DNAH6: variants seen among roughly 807,000 people sequenced by gnomAD.
DNAH6 encodes the protein dynein axonemal heavy chain 6.
In DNAH6, 340 loss-of-function variants were observed where a neutral mutation model predicts 491.4. The ratio of observed to expected loss-of-function variants is 0.69; its 90% CI spans 0.63 to 0.76. The LOEUF is 0.76. DNAH6 is among the 30% of genes least tolerant of loss of function. The pLI is 0.00. For missense variants in DNAH6, 4,443 were observed against 4,972.2 expected (o/e 0.89, Z 3.20); for synonymous variants, 1,603 against 1,686.1 (o/e 0.95, Z 1.21).
At position 84,624,448 on chromosome 2, in the gene DNAH6, A is replaced by G. The variant is rs549585508; in HGVS notation, c.4198-17A>G. Reference sequence around the variant, plus strand: ...TCTTTCTGAAATTAGTGTATCTAATATGTATATCACATATAGGTGGAGACA... The same window carrying G: ...TCTTTCTGAAATTAGTGTATCTAATGTGTATATCACATATAGGTGGAGACA... On this transcript the variant is annotated splice_polypyrimidine_tract_variant and intron_variant, in intron 27 of 76. Coordinates refer to ENST00000389394, the MANE Select transcript of DNAH6 (RefSeq NM_001370.2). 1.9e-5 allele frequency: 29 copies of G among 1,550,946 alleles called. No individual in the cohort carries two copies. The South Asian group carries it at 2.6e-4, about 14-fold the overall frequency.
chr2:84,752,545 C>A (rs1004311209), intron 63 of DNAH6, among the ~76,000 whole-genome samples: 27 of 152,226 alleles, frequency 1.8e-4, no homozygotes, highest in African/African-American at 6.3e-4. Flanking sequence ...CAGAGTTGTG[C>A]AACCATCACA....
At chr2:84,716,383 T>C (rs1032183582) in intron 58 of DNAH6, among the ~76,000 whole-genome samples, 2 of 151,804 alleles carry the variant, frequency 1.3e-5, no homozygotes, top group Non-Finnish European at 2.9e-5. Context: ...TATACACATA[T>C]GTATGTATAT....
intron 4 of DNAH6, 67 bp from the exon 5 acceptor site, chr2:84,544,166 G>A: frequency 1.2e-6 from 1 of 812,330 alleles, no homozygotes; most frequent in Non-Finnish European, 1.8e-6. Flanking sequence ...GAATAAAAAA[G>A]CAATGCAATT....
intron 69 of DNAH6, 70 bp from the exon 70 acceptor site, chr2:84,797,467 A>C: frequency 6.8e-7 from 1 of 1,476,186 alleles, no homozygotes; most frequent in South Asian, 1.3e-5. Flanking sequence ...CCACACAAAG[A>C]AAAATCAAAC....
rs148661623 is a variant in DNAH6 at position 84,556,791 on chromosome 2, A to G, written c.1603-944A>G. On this transcript the variant is annotated intron_variant, in intron 10 of 76. Coordinates refer to ENST00000389394, the MANE Select transcript of DNAH6 (RefSeq NM_001370.2). ...ATACATGTTTACATTGAGATATTAT[A>G]TGCCAGTTTTATATCCTGCTCACTC... is the stretch of plus-strand genomic sequence containing the variant. Among the ~76,000 whole-genome samples the G allele has an allele frequency of 1.7e-3, 263 of 152,330 alleles. 2 individuals carry two copies. Among genetic ancestry groups the G allele is most frequent in the Non-Finnish European group, 3.1e-3 (208 of 68,032 alleles).
rs560480135 is a variant in DNAH6 at position 84,559,148 on chromosome 2, A to G, written c.1803+1213A>G. Among the ~76,000 whole-genome samples, 19 of 152,198 alleles carry G rather than the reference A, an allele frequency of 1.2e-4. No homozygotes were observed. In the South Asian group the frequency reaches 3.7e-3, roughly 30 times the overall value. ...ATTCTTATAAGCTAGCAGTTAATCT[A>G]AGGAGCTGAGGTTAATCTAAAGTCA... On this transcript the variant is annotated intron_variant, in intron 11 of 76. Transcript: ENST00000389394.
intron 48 of DNAH6, among the ~76,000 whole-genome samples, 167 bp downstream of exon 48, chr2:84,699,901 C>A (rs796378032): frequency 5.9e-5 from 9 of 152,248 alleles, no homozygotes; most frequent in African/African-American, 2.2e-4. Context: ...AAAGACAAAA[C>A]AGAATTTGTA....
intron 63 of DNAH6, among the ~76,000 whole-genome samples, chr2:84,750,218 GTCTC>G (rs1485398900): frequency 3.5e-5 from 5 of 143,350 alleles, no homozygotes; most frequent in Non-Finnish European, 1.5e-5. Flanking sequence ...TGGAGATGGA[GTCTC>G]TCTCTGTTGC....
the DNAH6 span, among the ~76,000 whole-genome samples, chr2:84,478,403 G>T: frequency 6.6e-6 from 1 of 152,102 alleles, no homozygotes; most frequent in African/African-American, 2.4e-5. Context: ...CCCAAAAAAT[G>T]AGGACAAGGA....
chr2:84,602,482 C>CTTTTTTTTTTTTT (rs3029846), intron 18 of DNAH6, among the ~76,000 whole-genome samples: 3 of 32,026 alleles, frequency 9.4e-5, no homozygotes, highest in African/African-American at 4.2e-4. Context: ...TGTTGTGTCC[C>CTTTTTTTTTTTTT]TTTTTTTTTT....
chr2:84,740,495 A>G (rs2105020310), intron 62 of DNAH6, among the ~76,000 whole-genome samples: 1 of 152,272 alleles, frequency 6.6e-6, no homozygotes, highest in Non-Finnish European at 1.5e-5. Flanking sequence ...CCCCCTCTCC[A>G]TGTCCATTCC....
chr2:84,582,705 G>C (rs1464567661), intron 14 of DNAH6, among the ~76,000 whole-genome samples: 1 of 152,178 alleles, frequency 6.6e-6, no homozygotes, highest in Non-Finnish European at 1.5e-5. Context: ...GCCTGCCTCA[G>C]CCTCCCAAAG....
At chr2:84,680,833 CAG>C (rs1693710704) in intron 41 of DNAH6, among the ~76,000 whole-genome samples, 1 of 152,014 alleles carries the variant, frequency 6.6e-6, no homozygotes, top group Non-Finnish European at 1.5e-5. Flanking sequence ...TTTTGCAGGA[CAG>C]AAAATGGGAG....
Position 84,688,462 on chromosome 2 carries a change from G to T in DNAH6, c.7161G>T (p.Arg2387=). The change falls in exon 45 of 77, where the codon CGG becomes CGT. Residue 2387 remains arginine (R), a synonymous_variant. Coordinates refer to ENST00000389394, the MANE Select transcript of DNAH6 (RefSeq NM_001370.2). ...AGTTTGGAGCAGATAAAGCTGATCGGATTTATGATGACATGCCTGATATAG... is the reference window on the plus strand; with the variant it reads ...AGTTTGGAGCAGATAAAGCTGATCGTATTTATGATGACATGCCTGATATAG... ...FIKFGADKAD[R]IYDDMPDIEK... is the part of the protein sequence containing the mutation. The T allele has an allele frequency of 6.5e-7, 1 of 1,532,988 alleles. No individual in the cohort carries two copies. The highest frequency in any genetic ancestry group is 8.7e-7 in the Non-Finnish European group (1 of 1,142,924). 95.0% of individuals were successfully genotyped at this position (1,532,988 alleles called of 1,614,324 possible). A position where few individuals can be genotyped will look rare whatever the true frequency, so the allele number is the denominator to read the frequency against.
intron 47 of DNAH6, among the ~76,000 whole-genome samples, chr2:84,698,179 A>G (rs1339870184): frequency 1.3e-5 from 2 of 152,168 alleles, no homozygotes; most frequent in African/African-American, 4.8e-5. Flanking sequence ...CTCCAGCACC[A>G]TGCTAGATCC....
At chr2:84,470,318 G>A in the DNAH6 span, among the ~76,000 whole-genome samples, 1 of 152,276 alleles carries the variant, frequency 6.6e-6, no homozygotes, top group South Asian at 2.1e-4. Context: ...ATAATTCAGA[G>A]CGAGTCCACA....
chr2:84,806,914 CAG>C (rs1679473163), intron 71 of DNAH6, among the ~76,000 whole-genome samples: 1 of 152,088 alleles, frequency 6.6e-6, no homozygotes, highest in South Asian at 2.1e-4. Context: ...TTGAAGCAAA[CAG>C]AGTCATTAAA....
At chr2:84,798,861 C>G (rs1381332463) in intron 70 of DNAH6, among the ~76,000 whole-genome samples, 1 of 152,198 alleles carries the variant, frequency 6.6e-6, no homozygotes, top group Non-Finnish European at 1.5e-5. Context: ...CCCCAGGACT[C>G]AAGCACACCA....
chr2:84,796,314 A>G lies in DNAH6; in HGVS notation c.11248A>G (p.Thr3750Ala), dbSNP rs754011803. The G allele has an allele frequency of 1.7e-5, 25 of 1,487,056 alleles. No homozygotes were observed. In the South Asian group the frequency reaches 3.1e-4, roughly 19 times the overall value. The allele number at this position is 1,487,056 out of a possible 1,614,324, so 92.1% of individuals were successfully genotyped here. A position where few individuals can be genotyped will look rare whatever the true frequency, so the allele number is the denominator to read the frequency against. The change falls in exon 69 of 77, where the codon ACT becomes GCT. Residue 3750 changes from threonine to alanine, a missense_variant. By Grantham distance (58) the Thr-to-Ala change is moderately conservative. Around this residue, in one of 3 missense-constraint regions of DNAH6, gnomAD observed 1,463 missense variants for 1,656.6 expected, o/e 0.88. Coordinates refer to ENST00000389394, the MANE Select transcript of DNAH6 (RefSeq NM_001370.2). ...TACAAATTTCTTTTCAGGTGAAATT[A>G]CTTATGGTGGTAGAGTCACAGACAG... ...DALIYITGEITYGGRVTDSWD... is the reference protein window; with the variant it reads ...DALIYITGEIAYGGRVTDSWD...
Sources: gnomAD v4.1 joint callset for allele counts (sites outside exome capture counted in the v4.1 genomes callset) on GRCh38, gnomAD v4.1.1 for gene constraint, gnomAD v4.1.1 regional missense constraint, MANE v1.5 for transcripts, NCBI Gene and HGNC (gene_info 2026-07-23, HGNC 2026-07-21) for gene names.